PLOD1: variants seen among roughly 807,000 people sequenced by gnomAD.
PLOD1 encodes procollagen-lysine,2-oxoglutarate 5-dioxygenase 1, also known as lysine hydroxylase.
PLOD1 carries 70 observed loss-of-function variants against 94.7 expected under a neutral mutation model. The ratio of observed to expected loss-of-function variants is 0.74; its 90% confidence interval spans 0.61 to 0.90. PLOD1 has a LOEUF of 0.90. Among genes scored for constraint, PLOD1 ranks in the 40% least tolerant of loss-of-function variants. The pLI is 0.00. For missense variants in PLOD1, 905 were observed against 972.7 expected (o/e 0.93, Z 0.93); for synonymous variants, 417 against 400.2 (o/e 1.04, Z -0.50).
Position 11,957,236 on chromosome 1 carries a change from A to C in PLOD1, c.741+222A>C, listed in dbSNP as rs1457115205. 2.7e-6 allele frequency: 2 copies of C among 734,726 alleles called. No homozygotes were observed. The highest frequency in any genetic ancestry group is 3.4e-5 in the African/African-American group (2 of 58,192). The allele number at this position is 734,726 out of a possible 1,614,324, so 45.5% of individuals were successfully genotyped here. On this transcript the variant is annotated intron_variant, in intron 7 of 18. Coordinates refer to ENST00000196061, the MANE Select transcript of PLOD1 (RefSeq NM_000302.4). The surrounding 1 kb of genome is among the most constrained non-coding windows in gnomAD (Gnocchi z 4.1). ...TGTTCTTGCTGGTCACAGGACACGT[A>C]GGAGGCTGCCATCCCCTTCCAGGCC... is the stretch of plus-strand genomic sequence containing the variant.
chr1:11,942,175 G>T (rs1317527294), intron 1 of PLOD1, among the ~76,000 whole-genome samples: 2 of 151,972 alleles, frequency 1.3e-5, no homozygotes, highest in East Asian at 1.9e-4. Context: ...TAGAGACGGG[G>T]TTTCACCATG....
At chr1:11,949,380 A>AG (rs1207316899) in intron 2 of PLOD1, among the ~76,000 whole-genome samples, 1 of 152,030 alleles carries the variant, frequency 6.6e-6, no homozygotes, top group African/African-American at 2.4e-5. Context: ...CTTACAGGGG[A>AG]GGGTCAGAGT....
chr1:11,961,276 T>G (rs1645776278), intron 10 of PLOD1, among the ~76,000 whole-genome samples: 2 of 152,060 alleles, frequency 1.3e-5, no homozygotes, highest in South Asian at 4.1e-4. Context: ...TCCCAGCTAC[T>G]GAAGAAGCTG....
intron 3 of PLOD1, 36 bp downstream of exon 3, chr1:11,949,942 C>T (rs748651810): frequency 2.2e-5 from 35 of 1,606,154 alleles, no homozygotes; most frequent in East Asian, 4.5e-5. Context: ...TGGGCCCCTC[C>T]GCGGAAGATA....
intron 1 of PLOD1, among the ~76,000 whole-genome samples, chr1:11,935,914 C>T (rs114181752): frequency 2.7e-3 from 415 of 152,140 alleles, no homozygotes; most frequent in African/African-American, 9.5e-3. Context: ...TGAGCCATCG[C>T]GCCCGGCCGG....
At chr1:11,965,696 G>A (rs1645812408) in intron 14 of PLOD1, 103 bp downstream of exon 14, 1 of 728,116 alleles carries the variant, frequency 1.4e-6, no homozygotes, top group African/African-American at 1.7e-5. Context: ...CAGGACCCCT[G>A]TAGGCCACCT....
chr1:11,951,348 T>C (rs1221862148), intron 4 of PLOD1, among the ~76,000 whole-genome samples: 1 of 147,582 alleles, frequency 6.8e-6, no homozygotes, highest in Non-Finnish European at 1.5e-5. Flanking sequence ...GGAGGATCAC[T>C]TGAGGCCAGG....
chr1:11,950,308 C>G (rs1645689898), intron 3 of PLOD1, 49 bp from the exon 4 acceptor site: 1 of 1,588,012 alleles, frequency 6.3e-7, no homozygotes, highest in Non-Finnish European at 8.6e-7. Context: ...CCTCACTGGG[C>G]CCCTGCTCAC....
intron 1 of PLOD1, among the ~76,000 whole-genome samples, chr1:11,935,902 C>A (rs974700707): frequency 2.0e-5 from 3 of 152,080 alleles, no homozygotes; most frequent in Non-Finnish European, 4.4e-5. Context: ...GGATTACAGG[C>A]GTGAGCCATC....
In PLOD1 at chr1:11,973,003, C is replaced by A; in HGVS notation, c.2028+6C>A. 1 of 1,613,736 alleles carries A rather than the reference C, an allele frequency of 6.2e-7. No individual in the cohort carries two copies. Among genetic ancestry groups the A allele is most frequent in the Non-Finnish European group, 8.5e-7 (1 of 1,179,820 alleles). On this transcript the variant is annotated splice_donor_region_variant and intron_variant, in intron 18 of 18. Coordinates refer to ENST00000196061, the MANE Select transcript of PLOD1 (RefSeq NM_000302.4). ...GAGTCGGGGTGGATTACGAGGTGAG[C>A]AGGAGCCAGCCGGGGTCAAGGGGCC...
At chr1:11,970,300 G>C (rs1645852015) in intron 16 of PLOD1, among the ~76,000 whole-genome samples, 1 of 152,126 alleles carries the variant, frequency 6.6e-6, no homozygotes, top group African/African-American at 2.4e-5. Context: ...GGGCGTGATG[G>C]TGCGTGCCTG....
At chr1:11,973,045 A>C in intron 18 of PLOD1, 48 bp downstream of exon 18, 1 of 1,611,118 alleles carries the variant, frequency 6.2e-7, no homozygotes, top group Non-Finnish European at 8.5e-7. Flanking sequence ...GGGGATGAGG[A>C]GGGCTAGCTG....
chr1:11,954,565 T>C, intron 5 of PLOD1: 1 of 706,064 alleles, frequency 1.4e-6, no homozygotes, highest in Non-Finnish European at 2.7e-6. Flanking sequence ...ACGGCCGTCA[T>C]TGTTGTAGGT....
intron 16 of PLOD1, among the ~76,000 whole-genome samples, chr1:11,968,545 G>A (rs376711428): frequency 2.3e-4 from 34 of 146,662 alleles, no homozygotes; most frequent in Non-Finnish European, 4.6e-4. Context: ...ATGGAGTCTC[G>A]CTGTGTCGCC....
chr1:11,961,793 T>C (rs1645779360), intron 10 of PLOD1, among the ~76,000 whole-genome samples: 1 of 152,136 alleles, frequency 6.6e-6, no homozygotes, highest in African/African-American at 2.4e-5. Flanking sequence ...AATATTTATT[T>C]ATTTATTTAT....
At position 11,972,355 on chromosome 1, in the gene PLOD1, G is replaced by C. The variant is rs1255538229; in HGVS notation, c.1903-517G>C. 6.3e-6 allele frequency: 1 copy of C among 158,974 alleles called. No homozygotes were observed. The highest frequency in any genetic ancestry group is 1.4e-5 in the Non-Finnish European group (1 of 71,812). The allele number at this position is 158,974 out of a possible 1,614,324, so 9.8% of individuals were successfully genotyped here. ...CAATCTCCGCCTCCCAGATTCAAGC[G>C]ATTCTCCGGCCTCAGCCTCCCAAGT... On this transcript the variant is annotated intron_variant, in intron 17 of 18. Coordinates refer to ENST00000196061, the MANE Select transcript of PLOD1 (RefSeq NM_000302.4). This position sits in a 1 kb window ranked among gnomAD's most constrained non-coding sequence, Gnocchi z 4.6.
chr1:11,966,184 C>A, intron 14 of PLOD1, 67 bp from the exon 15 acceptor site: 1 of 1,186,654 alleles, frequency 8.4e-7, no homozygotes, highest in Non-Finnish European at 1.2e-6. Flanking sequence ...TTTGAGGGGT[C>A]TGCTCTGAGC....
rs1462153140 is a variant in PLOD1 at position 11,957,365 on chromosome 1, TC to T, written c.741+352del. ...GTTTGCACCAGACAGTAAGACATAG[TC>T]ATAAGCAGGACGGATGTCCTGCATT... On this transcript the variant is annotated intron_variant, in intron 7 of 18. Transcript: ENST00000196061. This position sits in a 1 kb window ranked among gnomAD's most constrained non-coding sequence, Gnocchi z 4.1. Among the ~76,000 whole-genome samples the T allele has an allele frequency of 1.3e-5, 2 of 152,214 alleles. No individual in the cohort carries two copies. The highest frequency in any genetic ancestry group is 4.8e-5 in the African/African-American group (2 of 41,460).
chr1:11,938,614 T>A (rs2100732990), intron 1 of PLOD1, among the ~76,000 whole-genome samples: 1 of 152,230 alleles, frequency 6.6e-6, no homozygotes, highest in African/African-American at 2.4e-5. Context: ...AGAGGCCAGC[T>A]CTTCCCTTTC....
Sources: allele counts gnomAD v4.1 joint callset (sites outside exome capture counted in the v4.1 genomes callset), GRCh38; gene constraint gnomAD v4.1.1; non-coding constraint Gnocchi (gnomAD v3.1); transcripts MANE v1.5; gene names NCBI Gene and HGNC (gene_info 2026-07-23, HGNC 2026-07-21).